The following MAP3K1 variants were observed in gnomAD, a reference collection of about 807,000 sequenced individuals.
The protein encoded by MAP3K1 is mitogen-activated protein kinase kinase kinase 1, also known as MAP/ERK kinase kinase 1.
In MAP3K1, 36 loss-of-function variants were observed where a neutral mutation model predicts 144.2. The observed-to-expected ratio is 0.25, with a 90% CI of 0.19 to 0.33. The LOEUF (loss-of-function observed/expected upper bound fraction) is 0.33. MAP3K1 is among the 10% of genes least tolerant of loss of function. The pLI, the probability that MAP3K1 is intolerant of heterozygous loss-of-function variation, is 1.00. For missense variants in MAP3K1, 1,650 were observed against 1,881.9 expected (o/e 0.88, Z 2.28); for synonymous variants, 718 against 688.7 (o/e 1.04, Z -0.67).
At chr5:56,867,847 TTAAA>T (rs562259120) in intron 6 of MAP3K1, among the ~76,000 whole-genome samples, 81 of 152,302 alleles carry the variant, frequency 5.3e-4, no homozygotes, top group Non-Finnish European at 7.8e-4. Flanking sequence ...TAGAAACAGT[TTAAA>T]TATCCAACAG....
intron 19 of MAP3K1, among the ~76,000 whole-genome samples, chr5:56,890,486 G>C (rs1748515906): frequency 6.6e-6 from 1 of 152,060 alleles, no homozygotes; most frequent in South Asian, 2.1e-4. Context: ...AGTATAAATT[G>C]CCATAGCACG....
chr5:56,879,348 C>G (rs1313138096), intron 11 of MAP3K1, among the ~76,000 whole-genome samples: 1 of 152,162 alleles, frequency 6.6e-6, no homozygotes, highest in African/African-American at 2.4e-5. Context: ...GTGATTTACT[C>G]TCTTTAGTAA....
chr5:56,847,681 A>G (rs551082257), intron 1 of MAP3K1, among the ~76,000 whole-genome samples: 1 of 152,238 alleles, frequency 6.6e-6, no homozygotes, highest in Admixed American at 6.5e-5. Flanking sequence ...GTCAAGAAAG[A>G]TGCCTTTTAA....
At chr5:56,826,379 T>C (rs1352865362) in intron 1 of MAP3K1, among the ~76,000 whole-genome samples, 1 of 152,214 alleles carries the variant, frequency 6.6e-6, no homozygotes, top group Non-Finnish European at 1.5e-5. Flanking sequence ...GTACATGTAG[T>C]CAGGTCTTTC....
intron 1 of MAP3K1, among the ~76,000 whole-genome samples, chr5:56,846,554 A>G (rs78550736): frequency 0.032 from 4,931 of 152,282 alleles, 253 homozygotes; most frequent in African/African-American, 0.11. Flanking sequence ...CTTGCTTACT[A>G]ACTTGATTTG....
At chr5:56,826,394 C>T (rs1225803203) in intron 1 of MAP3K1, among the ~76,000 whole-genome samples, 1 of 152,028 alleles carries the variant, frequency 6.6e-6, no homozygotes, top group Non-Finnish European at 1.5e-5. Context: ...TCTTTCTGAA[C>T]GACAGTGTTC....
chr5:56,858,435 G>T (rs1272481505), intron 2 of MAP3K1, among the ~76,000 whole-genome samples: 1 of 152,196 alleles, frequency 6.6e-6, no homozygotes, highest in African/African-American at 2.4e-5. Context: ...AGAGGGAGGA[G>T]ATGTGTGGAA....
At chr5:56,817,876 C>T (rs776331798) in intron 1 of MAP3K1, among the ~76,000 whole-genome samples, 1 of 152,098 alleles carries the variant, frequency 6.6e-6, no homozygotes, top group African/African-American at 2.4e-5. Context: ...AATGTTGTCT[C>T]TTGACACAAA....
chr5:56,887,621 C>A, intron 18 of MAP3K1, 101 bp downstream of exon 18: 3 of 1,241,068 alleles, frequency 2.4e-6, no homozygotes, highest in Non-Finnish European at 3.6e-6. Flanking sequence ...ATGTACTTAC[C>A]AACTAGAAGT....
chr5:56,837,913 C>T (rs1415893260), intron 1 of MAP3K1, among the ~76,000 whole-genome samples: 8 of 152,084 alleles, frequency 5.3e-5, no homozygotes, highest in Admixed American at 3.3e-4. Flanking sequence ...GAAGGCAGCA[C>T]CTGGGATGGT....
Position 56,864,718 on chromosome 5 carries a change from A to G in MAP3K1, c.835-16A>G. Reference sequence around the variant, plus strand: ...AGAAATGAGAAACGTACCTAATAAAAAAAAATGTTGTGAAGTTTCAGAGTG... The same window carrying G: ...AGAAATGAGAAACGTACCTAATAAAGAAAAATGTTGTGAAGTTTCAGAGTG... On this transcript the variant is annotated splice_polypyrimidine_tract_variant and intron_variant, in intron 3 of 19. Transcript: ENST00000399503. 6.2e-7 allele frequency: 1 copy of G among 1,613,910 alleles called. No homozygotes were observed. Among genetic ancestry groups the G allele is most frequent in the Non-Finnish European group, 8.5e-7 (1 of 1,179,814 alleles).
chr5:56,885,797 G>T, intron 16 of MAP3K1, 135 bp from the exon 17 acceptor site: 1 of 726,374 alleles, frequency 1.4e-6, no homozygotes, highest in Non-Finnish European at 2.4e-6. Flanking sequence ...ACAGGAATAT[G>T]TTAGTTTTGA....
chr5:56,836,666 T>C (rs1002404919), intron 1 of MAP3K1, among the ~76,000 whole-genome samples: 1 of 152,152 alleles, frequency 6.6e-6, no homozygotes, highest in Non-Finnish European at 1.5e-5. Flanking sequence ...AAGTTTTGTC[T>C]TGTGTATGTG....
chr5:56,878,991 A>G lies in MAP3K1; in HGVS notation c.1977A>G (p.Arg659=), dbSNP rs759414536. ...ATTTTTTTCCTTAGAAAACATTGAGAGCCATGCTGGTATATACTCCTTGCC... is the reference window on the plus strand; with the variant it reads ...ATTTTTTTCCTTAGAAAACATTGAGGGCCATGCTGGTATATACTCCTTGCC... ...KVYVAALKTL[R]AMLVYTPCHS... Residue 659 remains arginine, a synonymous_variant, in exon 11 of 20, where the codon AGA becomes AGG. Coordinates refer to ENST00000399503, the MANE Select transcript of MAP3K1 (RefSeq NM_005921.2). 6.2e-7 allele frequency: 1 copy of G among 1,613,860 alleles called. No individual in the cohort carries two copies. The highest frequency in any genetic ancestry group is 1.1e-5 in the South Asian group (1 of 91,084).
chr5:56,820,512 G>A lies in MAP3K1; in HGVS notation c.482+4457G>A, dbSNP rs539639832. 8.1e-6 allele frequency: 8 copies of A among 984,260 alleles called. No homozygotes were observed. In the South Asian group the frequency reaches 1.9e-4, roughly 23 times the overall value. 61.0% of individuals were successfully genotyped at this position (984,260 alleles called of 1,614,324 possible). ...GTTTCTGTAACCTGGCCTTGTATAT[G>A]TAATACAAGTAAACTGTATTTGGAT... On this transcript the variant is annotated intron_variant, in intron 1 of 19. Transcript: ENST00000399503.
chr5:56,854,802 G>A (rs1747287066), intron 1 of MAP3K1, among the ~76,000 whole-genome samples: 1 of 152,196 alleles, frequency 6.6e-6, no homozygotes, highest in Non-Finnish European at 1.5e-5. Flanking sequence ...CCAGAGGAAA[G>A]ACTATCAAGC....
chr5:56,844,796 G>T (rs979455596), intron 1 of MAP3K1, among the ~76,000 whole-genome samples: 1 of 152,162 alleles, frequency 6.6e-6, no homozygotes, highest in Non-Finnish European at 1.5e-5. Context: ...CCTGGCCAGT[G>T]CTTATCTGTG....
intron 1 of MAP3K1, among the ~76,000 whole-genome samples, chr5:56,832,906 T>A (rs1746539844): frequency 6.6e-6 from 1 of 152,272 alleles, no homozygotes; most frequent in South Asian, 2.1e-4. Flanking sequence ...GGAGTCTCGC[T>A]CTGTCACCAG....
intron 19 of MAP3K1, among the ~76,000 whole-genome samples, chr5:56,891,155 C>CACACACACA (rs964590166): frequency 6.7e-6 from 1 of 148,846 alleles, no homozygotes; most frequent in Non-Finnish European, 1.5e-5. Context: ...CACACCCCCC[C>CACACACACA]CCCCCACACA....
Sources: allele counts gnomAD v4.1 joint callset (sites outside exome capture counted in the v4.1 genomes callset), GRCh38; gene constraint gnomAD v4.1.1; transcripts MANE v1.5; gene names NCBI Gene and HGNC (gene_info 2026-07-23, HGNC 2026-07-21).